The following ISY1 variants were observed in gnomAD, a reference collection of about 807,000 sequenced individuals.
ISY1 encodes pre-mRNA-splicing factor ISY1 homolog.
Under a neutral mutation model 54.4 loss-of-function variants are expected in ISY1, and 12 were observed. The observed-to-expected ratio is 0.22, with a 90% CI of 0.14 to 0.36. The LOEUF (loss-of-function observed/expected upper bound fraction) is 0.36, where lower values mean the gene tolerates loss of function less well. Among genes scored for constraint, ISY1 ranks in the 10% least tolerant of loss-of-function variants. The pLI, the probability that ISY1 is intolerant of heterozygous loss-of-function variation, is 1.00. For missense variants in ISY1, 282 were observed against 342.2 expected (o/e 0.82, Z 1.39); for synonymous variants, 96 against 117.9 (o/e 0.81, Z 1.20).
chr3:129,158,631 T>A lies in ISY1; in HGVS notation c.27-72A>T, dbSNP rs1412762682. The A allele has an allele frequency of 1.1e-5, 18 of 1,595,476 alleles. No individual in the cohort carries two copies. In the Admixed American group the frequency reaches 3.0e-4, roughly 27 times the overall value. On this transcript the variant is annotated intron_variant, in intron 2 of 10. Coordinates refer to ENST00000393295, the MANE Select transcript of ISY1 (RefSeq NM_020701.4). ...ACAGACTTCTCATTACCCATGTTCC[T>A]GTATGGGGTAGATCTGCTTATGACC...
At chr3:129,138,783 C>G (rs1936512607) in intron 7 of ISY1, among the ~76,000 whole-genome samples, 1 of 150,296 alleles carries the variant, frequency 6.7e-6, no homozygotes, top group South Asian at 2.1e-4. Context: ...CAACTACACT[C>G]CAGCCTGCGC....
chr3:129,144,484 A>G (rs1028251303), intron 6 of ISY1, among the ~76,000 whole-genome samples: 2 of 152,252 alleles, frequency 1.3e-5, no homozygotes. Flanking sequence ...ATAACACATT[A>G]TAGTCCATTG....
chr3:129,154,895 A>T (rs1937091709), intron 5 of ISY1, among the ~76,000 whole-genome samples: 1 of 151,626 alleles, frequency 6.6e-6, no homozygotes, highest in East Asian at 2.0e-4. Context: ...TCACCGTGTT[A>T]GCCAGGATGG....
Position 129,143,461 on chromosome 3 carries a change from G to A in ISY1, c.300+2300C>T, listed in dbSNP as rs138743313. On this transcript the variant is annotated intron_variant, in intron 6 of 10. Coordinates refer to ENST00000393295, the MANE Select transcript of ISY1 (RefSeq NM_020701.4). ...GCAGAGGTTGCAGTGAGCCAAGATC[G>A]CACCACTGCACTCCAGCCTGGGTGA... Among the ~76,000 whole-genome samples the A allele has an allele frequency of 6.3e-4, 91 of 143,964 alleles. 2 individuals are homozygous for A. In the East Asian group the frequency reaches 0.019, roughly 30 times the overall value. 94.4% of individuals were successfully genotyped at this position (143,964 alleles called of 152,430 possible).
intron 9 of ISY1, among the ~76,000 whole-genome samples, chr3:129,131,543 A>G (rs903933069): frequency 9.9e-5 from 15 of 152,004 alleles, no homozygotes; most frequent in African/African-American, 1.9e-4. Context: ...GGTATTTGCT[A>G]TGTGTGTGTG....
At position 129,152,672 on chromosome 3, in the gene ISY1, C is replaced by T. The variant is rs376499465; in HGVS notation, c.187+3961G>A. 9.8e-5 allele frequency among the ~76,000 whole-genome samples: 15 copies of T among 152,294 alleles called. 1 individual carries two copies. In the East Asian group the frequency reaches 2.3e-3, roughly 24 times the overall value. ...CCACCCACCTTGGCCTCCCAAAGTGCTGGAATTACAGGCGTGAGCCACCGC... is the reference window on the plus strand; with the variant it reads ...CCACCCACCTTGGCCTCCCAAAGTGTTGGAATTACAGGCGTGAGCCACCGC... On this transcript the variant is annotated intron_variant, in intron 5 of 10. Coordinates refer to ENST00000393295, the MANE Select transcript of ISY1 (RefSeq NM_020701.4).
rs765518589 is a variant in ISY1 at position 129,156,675 on chromosome 3, T to A, written c.145A>T (p.Ile49Phe). 3 of 1,604,030 alleles carry A rather than the reference T, an allele frequency of 1.9e-6. No individual in the cohort carries two copies. The highest frequency in any genetic ancestry group is 2.5e-6 in the Non-Finnish European group (3 of 1,176,572). Residue 49 changes from isoleucine (I) to phenylalanine (F), a missense_variant and splice_region_variant, in exon 5 of 11, where the codon ATC becomes TTC. Coordinates refer to ENST00000393295, the MANE Select transcript of ISY1 (RefSeq NM_020701.4). ...LPKAEKWRRQ[I>F]IGEISKKVAQ... Reference sequence around the variant, plus strand: ...ACTTTTTTAGAGATCTCTCCAATGATCTATTAAAAAAAAGTAATACATTTT... The same window carrying A: ...ACTTTTTTAGAGATCTCTCCAATGAACTATTAAAAAAAAGTAATACATTTT...
At chr3:129,159,250 G>A in intron 1 of ISY1, 74 bp from the exon 2 acceptor site, 1 of 1,561,408 alleles carries the variant, frequency 6.4e-7, no homozygotes, top group Non-Finnish European at 8.6e-7. Context: ...ACTTTTTAGT[G>A]AAAAGTTTTA....
intron 5 of ISY1, among the ~76,000 whole-genome samples, chr3:129,156,398 C>CAA (rs11437245): frequency 0.039 from 4,500 of 115,004 alleles, 152 homozygotes; most frequent in Non-Finnish European, 0.05. Flanking sequence ...GACTCTGTCT[C>CAA]AAAAAAAAAA....
At position 129,140,464 on chromosome 3, in the gene ISY1, C is replaced by A. The variant is rs1225756374; in HGVS notation, c.322G>T (p.Asp108Tyr). 1 of 1,610,068 alleles carries A rather than the reference C, an allele frequency of 6.2e-7. No individual in the cohort carries two copies. Among genetic ancestry groups the A allele is most frequent in the East Asian group, 2.2e-5 (1 of 44,830 alleles). Residue 108 changes from aspartate to tyrosine, a missense_variant, in exon 7 of 11, where the codon GAT becomes TAT. Asp to Tyr is a radical substitution (Grantham distance 160). Coordinates refer to ENST00000393295, the MANE Select transcript of ISY1 (RefSeq NM_020701.4). Reference protein sequence around the residue: ...DYGKVGPKMLDHEGKEVPGNR... With the variant: ...DYGKVGPKMLYHEGKEVPGNR... ...CCTGGGACTTCTTTTCCTTCATGAT[C>A]CAGCATTTTAGGGCCAACTTTCTTA...
intron 6 of ISY1, among the ~76,000 whole-genome samples, chr3:129,142,038 C>T (rs577200893): frequency 2.0e-5 from 3 of 152,000 alleles, no homozygotes; most frequent in Admixed American, 6.6e-5. Flanking sequence ...AATCCCATCT[C>T]TACTAAAAAT....
chr3:129,130,071 C>T lies in ISY1; in HGVS notation c.*10G>A. The T allele has an allele frequency of 6.4e-7, 1 of 1,573,984 alleles. No individual in the cohort carries two copies. Among genetic ancestry groups the T allele is most frequent in the Non-Finnish European group, 8.6e-7 (1 of 1,164,348 alleles). ...GATGGAAGAACTCCAAGGAGAGCCCCAGCTGGGTCCTAATACCCCAGGAGC... is the reference window on the plus strand; with the variant it reads ...GATGGAAGAACTCCAAGGAGAGCCCTAGCTGGGTCCTAATACCCCAGGAGC... On this transcript the variant is annotated 3_prime_UTR_variant, in exon 11 of 11. Coordinates refer to ENST00000393295, the MANE Select transcript of ISY1 (RefSeq NM_020701.4).
chr3:129,140,476 G>A lies in ISY1; in HGVS notation c.310C>T (p.Pro104Ser). ...TTTCCTTCATGATCCAGCATTTTAG[G>A]GCCAACTTTCTTATTGGGAAGAAAA... The part of the protein sequence containing the change: ...LGGPDYGKVG[P>S]KMLDHEGKEV... The change falls in exon 7 of 11, where the codon CCT (proline) becomes TCT (serine). Residue 104 changes from proline to serine, a missense_variant. By Grantham distance (74) the Pro-to-Ser change is moderately conservative (BLOSUM62 -1). Around this residue, in one of 2 missense-constraint regions of ISY1, gnomAD observed 279 missense variants for 323.6 expected, o/e 0.86. Transcript: ENST00000393295. 1 of 1,605,670 alleles carries A rather than the reference G, an allele frequency of 6.2e-7. No individual in the cohort carries two copies. The highest frequency in any genetic ancestry group is 8.5e-7 in the Non-Finnish European group (1 of 1,178,010).
At position 129,130,148 on chromosome 3, in the gene ISY1, A is replaced by C; in HGVS notation, c.791T>G (p.Leu264Arg). Residue 264 changes from leucine (L) to arginine (R), a missense_variant, in exon 11 of 11, where the codon CTC becomes CGC. By Grantham distance (102) the Leu-to-Arg change is moderately radical. Transcript: ENST00000393295. ...CAGGGTCTCGCTTGCATACTTCTGGAGGAGTTCCATTTTCTTCCTTCGCAC... is the reference window on the plus strand; with the variant it reads ...CAGGGTCTCGCTTGCATACTTCTGGCGGAGTTCCATTTTCTTCCTTCGCAC... The part of the protein sequence containing the change: ...ALVRRKKMEL[L>R]QKYASETLQA... The C allele has an allele frequency of 6.2e-7, 1 of 1,612,348 alleles. No individual in the cohort carries two copies. Among genetic ancestry groups the C allele is most frequent in the Non-Finnish European group, 8.5e-7 (1 of 1,179,436 alleles).
In ISY1 at chr3:129,129,060, C is replaced by T. The variant is rs776340713; in HGVS notation, c.*1021G>A. The stretch of plus-strand genomic sequence containing the variant: ...GGGATCTGGTCCTGTCTTTGCCACA[C>T]TTGGGGCTGGGGCTTCAGGGACTCC... On this transcript the variant is annotated 3_prime_UTR_variant, in exon 11 of 11. Transcript: ENST00000393295. The T allele has an allele frequency of 6.6e-6, 1 of 152,360 alleles. No individual in the cohort carries two copies. Among genetic ancestry groups the T allele is most frequent in the Non-Finnish European group, 1.5e-5 (1 of 68,176 alleles). The allele number at this position is 152,360 out of a possible 1,614,324, so 9.4% of individuals were successfully genotyped here. A position where few individuals can be genotyped will look rare whatever the true frequency, so the allele number is the denominator to read the frequency against.
intron 4 of ISY1, 47 bp downstream of exon 4, chr3:129,156,808 T>TG: frequency 6.3e-7 from 1 of 1,595,196 alleles, no homozygotes; most frequent in Non-Finnish European, 8.5e-7. Context: ...TAAGAAGAAA[T>TG]GAGAGACTTG....
intron 5 of ISY1, among the ~76,000 whole-genome samples, chr3:129,153,618 C>G (rs943958905): frequency 6.6e-6 from 1 of 151,240 alleles, no homozygotes. Context: ...CCCGTCTCTA[C>G]TAAAAATACA....
chr3:129,135,363 T>C (rs1477310191), intron 7 of ISY1, among the ~76,000 whole-genome samples: 1 of 151,340 alleles, frequency 6.6e-6, no homozygotes, highest in East Asian at 2.0e-4. Flanking sequence ...GAAAATACCA[T>C]GGATAGACAC....
At chr3:129,142,160 G>C (rs190957422) in intron 6 of ISY1, among the ~76,000 whole-genome samples, 1 of 147,208 alleles carries the variant, frequency 6.8e-6, no homozygotes, top group Admixed American at 6.9e-5. Flanking sequence ...AGCTGAGATC[G>C]CACGCCACTG....
Sources: allele counts gnomAD v4.1 joint callset (sites outside exome capture counted in the v4.1 genomes callset), GRCh38; gene constraint gnomAD v4.1.1; regional missense constraint gnomAD v4.1.1; transcripts MANE v1.5; gene names NCBI Gene and HGNC (gene_info 2026-07-23, HGNC 2026-07-21).